RNLS: variants seen among roughly 807,000 people sequenced by gnomAD.
RNLS encodes the protein renalase, FAD dependent amine oxidase.
In RNLS, 39 loss-of-function variants were observed where a neutral mutation model predicts 39.8. That is an observed-to-expected ratio of 0.98 (90% CI 0.76 to 1.28). RNLS has a LOEUF of 1.28. Among genes scored for constraint, RNLS ranks in the 50% most tolerant of loss-of-function variants. The pLI, the probability that RNLS is intolerant of heterozygous loss-of-function variation, is 0.00. For synonymous variants in RNLS, 147 were observed against 150.7 expected, an observed-to-expected ratio of 0.98 and a Z score of 0.18; for missense variants, 410 against 413.3, an observed-to-expected ratio of 0.99 and a Z score of 0.07.
chr10:88,575,760 T>C (rs768192297), intron 3 of RNLS, among the ~76,000 whole-genome samples: 2 of 151,972 alleles, frequency 1.3e-5, no homozygotes, highest in Admixed American at 6.6e-5. Context: ...AATTTGACCA[T>C]GTCCCTCTCT....
chr10:88,307,313 C>G (rs1844997663), intron 6 of RNLS, among the ~76,000 whole-genome samples: 1 of 152,158 alleles, frequency 6.6e-6, no homozygotes, highest in Admixed American at 6.5e-5. Flanking sequence ...ATTGGAAGTC[C>G]TGGCCCACCT....
intron 4 of RNLS, among the ~76,000 whole-genome samples, chr10:88,455,015 T>C (rs981882989): frequency 2.0e-5 from 3 of 152,100 alleles, no homozygotes; most frequent in African/African-American, 7.2e-5. Flanking sequence ...ATTGAAAGAA[T>C]AAAAACAAGC....
At chr10:88,294,269 C>A (rs886263970) in intron 6 of RNLS, among the ~76,000 whole-genome samples, 6 of 152,120 alleles carry the variant, frequency 3.9e-5, no homozygotes, top group Non-Finnish European at 8.8e-5. Context: ...GAGACCAGAA[C>A]TTATTCTGAT....
At chr10:88,441,356 A>G (rs901273340) in intron 4 of RNLS, among the ~76,000 whole-genome samples, 12 of 152,160 alleles carry the variant, frequency 7.9e-5, no homozygotes, top group African/African-American at 2.9e-4. Context: ...ATTCACTGAA[A>G]TCGTGCTTTG....
chr10:88,299,140 T>A lies in RNLS; in HGVS notation c.877-13634A>T, dbSNP rs188649498. The stretch of plus-strand genomic sequence containing the variant: ...AAATTATTGATTTGTGAGAGTTCTT[T>A]GCATATTCTGAATACTAGCCTTTTA... On this transcript the variant is annotated intron_variant, in intron 6 of 6. Coordinates refer to ENST00000331772, the MANE Select transcript of RNLS (RefSeq NM_001031709.3). 6.1e-3 allele frequency among the ~76,000 whole-genome samples: 922 copies of A among 152,340 alleles called. 5 individuals are homozygous for A. The highest frequency in any genetic ancestry group is 0.011 in the Non-Finnish European group (735 of 68,032).
the RNLS span, among the ~76,000 whole-genome samples, chr10:88,178,930 C>T: frequency 1.3e-5 from 2 of 152,162 alleles, no homozygotes; most frequent in Non-Finnish European, 2.9e-5. Flanking sequence ...TGGCTATTCA[C>T]TCACTGAGCA....
intron 4 of RNLS, among the ~76,000 whole-genome samples, chr10:88,532,866 C>A (rs940465624): frequency 5.3e-5 from 8 of 151,816 alleles, no homozygotes; most frequent in Admixed American, 3.9e-4. Context: ...AGAGAAAAAC[C>A]AATTAACTTA....
intron 4 of RNLS, among the ~76,000 whole-genome samples, chr10:88,404,079 A>G (rs1446976991): frequency 6.6e-5 from 10 of 152,050 alleles, no homozygotes; most frequent in Non-Finnish European, 1.5e-4. Context: ...ATGGAAGTCT[A>G]GTTCTATAAT....
At chr10:88,372,998 T>C (rs1263369251) in intron 4 of RNLS, among the ~76,000 whole-genome samples, 3 of 152,116 alleles carry the variant, frequency 2.0e-5, no homozygotes, top group Non-Finnish European at 2.9e-5. Flanking sequence ...TGTGCTATTA[T>C]ACAAAATGTC....
intron 5 of RNLS, among the ~76,000 whole-genome samples, chr10:88,322,914 T>C (rs1021190114): frequency 8.5e-5 from 13 of 152,152 alleles, no homozygotes; most frequent in Non-Finnish European, 1.3e-4. Context: ...CTCCTAGACC[T>C]GATAAATGAC....
chr10:88,278,729 A>T (rs1842902111), intron 6 of RNLS, among the ~76,000 whole-genome samples: 1 of 152,190 alleles, frequency 6.6e-6, no homozygotes, highest in Non-Finnish European at 1.5e-5. Flanking sequence ...GATGTAGTAT[A>T]AAGTAAAGAC....
chr10:88,575,155 TATATACACACAC>T (rs1289931413), intron 3 of RNLS, among the ~76,000 whole-genome samples: 6 of 62,058 alleles, frequency 9.7e-5, no homozygotes, highest in South Asian at 6.1e-4. Context: ...TATATATATA[TATATACACACAC>T]ACACACACAC....
At chr10:88,191,728 T>G in the RNLS span, among the ~76,000 whole-genome samples, 1 of 152,186 alleles carries the variant, frequency 6.6e-6, no homozygotes, top group East Asian at 1.9e-4. Context: ...TCTTCAAAAT[T>G]AGCAGCAATG....
intron 4 of RNLS, among the ~76,000 whole-genome samples, chr10:88,536,130 T>C (rs1214838403): frequency 3.3e-5 from 5 of 152,192 alleles, no homozygotes; most frequent in Non-Finnish European, 1.5e-5. Flanking sequence ...TCTCTGAGCC[T>C]GTTTCCTTGG....
intron 4 of RNLS, among the ~76,000 whole-genome samples, chr10:88,451,321 G>T (rs1348058973): frequency 6.6e-6 from 1 of 152,192 alleles, no homozygotes; most frequent in Non-Finnish European, 1.5e-5. Context: ...TGTAGTTGGG[G>T]ATAGAAGTGA....
intron 4 of RNLS, among the ~76,000 whole-genome samples, chr10:88,559,170 GGTA>G (rs1385454135): frequency 6.6e-6 from 1 of 151,978 alleles, no homozygotes; most frequent in African/African-American, 2.4e-5. Context: ...ATTCATTATG[GGTA>G]GTATTTTATC....
intron 4 of RNLS, among the ~76,000 whole-genome samples, chr10:88,378,572 A>AC (rs539424630): frequency 1.6e-4 from 25 of 152,218 alleles, no homozygotes; most frequent in East Asian, 1.2e-3. Flanking sequence ...AGGTCATAAG[A>AC]CCCCCCATTC....
chr10:88,391,743 G>A (rs1852213259), intron 4 of RNLS, among the ~76,000 whole-genome samples: 1 of 152,174 alleles, frequency 6.6e-6, no homozygotes, highest in African/African-American at 2.4e-5. Context: ...AATTGTCAGT[G>A]TAAACTTTTT....
intron 4 of RNLS, among the ~76,000 whole-genome samples, chr10:88,440,217 T>C (rs1253737370): frequency 6.6e-6 from 1 of 152,070 alleles, no homozygotes; most frequent in Non-Finnish European, 1.5e-5. Context: ...CTTGACATCT[T>C]AACAAGCACC....
Sources: gnomAD v4.1 joint callset for allele counts (sites outside exome capture counted in the v4.1 genomes callset) on GRCh38, gnomAD v4.1.1 for gene constraint, MANE v1.5 for transcripts, NCBI Gene and HGNC (gene_info 2026-07-23, HGNC 2026-07-21) for gene names.